Variants in FMO3 observed in about 807,000 individuals in gnomAD.
FMO3 encodes flavin-containing monooxygenase 3.
A neutral mutation model predicts 39.4 loss-of-function variants in FMO3; 40 were observed. The observed-to-expected ratio is 1.02, with a 90% confidence interval of 0.79 to 1.32. FMO3 has a LOEUF of 1.32. Among genes scored for constraint, FMO3 ranks in the 40% most tolerant of loss-of-function variants. FMO3 has a pLI of 0.00. For synonymous variants in FMO3, 219 were observed against 228.8 expected, an observed-to-expected ratio of 0.96 and a Z score of 0.39; for missense variants, 680 against 651.8, an observed-to-expected ratio of 1.04 and a Z score of -0.47.
chr1:171,095,894 T>C (rs1654947912), intron 2 of FMO3, among the ~76,000 whole-genome samples: 2 of 54,270 alleles, frequency 3.7e-5, no homozygotes, highest in East Asian at 5.5e-4. Context: ...ATATTATATA[T>C]AATTATAATA....
At chr1:171,106,873 T>C (rs2101912162) in intron 3 of FMO3, among the ~76,000 whole-genome samples, 1 of 152,314 alleles carries the variant, frequency 6.6e-6, no homozygotes, top group South Asian at 2.1e-4. Context: ...GCATAACTAA[T>C]TAACTAAATT....
rs1269027739 is a variant in FMO3 at position 171,117,352 on chromosome 1, G to A, written c.1509G>A (p.Gly503=). Residue 503 remains glycine, a synonymous_variant, in exon 9 of 9, where the codon GGG becomes GGA. Transcript: ENST00000367755. ...SLKPMQTRVV[G]RLQKPCFFFH... is the part of the protein sequence containing the mutation. ...AACCCATGCAGACACGAGTGGTCGG[G>A]AGACTTCAGAAGCCTTGCTTCTTTT... 2 of 1,613,328 alleles carry A rather than the reference G, an allele frequency of 1.2e-6. No individual in the cohort carries two copies. Among genetic ancestry groups the A allele is most frequent in the South Asian group, 2.2e-5 (2 of 91,038 alleles).
intron 1 of FMO3, among the ~76,000 whole-genome samples, chr1:171,091,606 G>T (rs761045370): frequency 7.2e-6 from 1 of 138,184 alleles, no homozygotes; most frequent in Non-Finnish European, 1.5e-5. Context: ...AACACCCCCC[G>T]GAGAGAAGGT....
intron 2 of FMO3, among the ~76,000 whole-genome samples, chr1:171,102,242 C>T (rs1240417882): frequency 1.3e-5 from 2 of 152,076 alleles, no homozygotes; most frequent in African/African-American, 4.8e-5. Context: ...TTCTGGGAGC[C>T]CTGACAACTT....
chr1:171,117,014 T>A, intron 8 of FMO3, 86 bp from the exon 9 acceptor site: 1 of 979,484 alleles, frequency 1.0e-6, no homozygotes, highest in Non-Finnish European at 1.7e-6. Flanking sequence ...TAATTCTCAC[T>A]GATATAAAGT....
In FMO3 at chr1:171,117,441, AATC is replaced by A. The variant is rs1656215975; in HGVS notation, c.*5_*7del. ...ATCGCTGTTTTCCTTGTGTTGACCT[AATC>A]ATCATTTTCTCTAGGATTTCTGAAA... On this transcript the variant is annotated stop_retained_variant and 3_prime_UTR_variant, in exon 9 of 9. Transcript: ENST00000367755. The A allele has an allele frequency of 2.5e-6, 4 of 1,611,350 alleles. No individual in the cohort carries two copies. Among genetic ancestry groups the A allele is most frequent in the South Asian group, 1.1e-5 (1 of 91,002 alleles).
At chr1:171,111,044 G>A (rs772910446) in intron 6 of FMO3, 47 bp downstream of exon 6, 1 of 1,470,832 alleles carries the variant, frequency 6.8e-7, no homozygotes, top group Non-Finnish European at 9.5e-7. Flanking sequence ...TTAGTTCAGT[G>A]TCAACAACCC....
In FMO3 at chr1:171,114,064, C is replaced by T. The variant is rs188365095; in HGVS notation, c.885C>T (p.Gly295=). ...AGCTCCCAGCAAGCATTCTGTGTGGCATTGTGTCCGTAAAGCCTAACGTGA... is the reference window on the plus strand; with the variant it reads ...AGCTCCCAGCAAGCATTCTGTGTGGTATTGTGTCCGTAAAGCCTAACGTGA... ...NDELPASILC[G]IVSVKPNVKE... is the part of the protein sequence containing the mutation. The change falls in exon 7 of 9, where the codon GGC becomes GGT. Residue 295 remains glycine, a synonymous_variant. Transcript: ENST00000367755. 61 of 1,613,212 alleles carry T rather than the reference C, an allele frequency of 3.8e-5. No homozygotes were observed. In the East Asian group the frequency reaches 1.2e-3, roughly 31 times the overall value.
chr1:171,092,649 A>G lies in FMO3; in HGVS notation c.-6-4A>G, dbSNP rs1485989862. On this transcript the variant is annotated splice_region_variant and splice_polypyrimidine_tract_variant and intron_variant, in intron 1 of 8. Coordinates refer to ENST00000367755, the MANE Select transcript of FMO3 (RefSeq NM_001002294.3). ...CTGGAAATGTTCTCTGGGCCTTTGC[A>G]CAGGTTACCATGGGGAAGAAAGTGG... is the stretch of plus-strand genomic sequence containing the variant. 3.1e-6 allele frequency: 5 copies of G among 1,614,148 alleles called. No homozygotes were observed. In the South Asian group the frequency reaches 5.5e-5, roughly 18 times the overall value.
At position 171,110,997 on chromosome 1, in the gene FMO3, G is replaced by C; in HGVS notation, c.827G>C (p.Gly276Ala). 6.2e-7 allele frequency: 1 copy of C among 1,612,412 alleles called. No individual in the cohort carries two copies. The highest frequency in any genetic ancestry group is 8.5e-7 in the Non-Finnish European group (1 of 1,178,862). Residue 276 changes from glycine to alanine, a missense_variant and splice_region_variant, in exon 6 of 9, where the codon GGA becomes GCA. Physicochemically the swap from Gly to Ala is moderately conservative, Grantham distance 60 (BLOSUM62 0). Transcript: ENST00000367755. ...AACTATGGCTTGATGCCTTTAAATGGGTAATGCAGAGCTAAACGTGATATG... is the reference window on the plus strand; with the variant it reads ...AACTATGGCTTGATGCCTTTAAATGCGTAATGCAGAGCTAAACGTGATATG... Reference protein sequence around the residue: ...HENYGLMPLNGVLRKEPVFND... With the variant: ...HENYGLMPLNAVLRKEPVFND...
At chr1:171,113,952 A>G in intron 6 of FMO3, 55 bp from the exon 7 acceptor site, 1 of 1,306,322 alleles carries the variant, frequency 7.7e-7, no homozygotes, top group Admixed American at 2.1e-5. Flanking sequence ...ATATGGACCA[A>G]TAAAACAAGA....
At chr1:171,092,619 TG>T (rs1432986732) in intron 1 of FMO3, 33 bp from the exon 2 acceptor site, 1 of 1,610,846 alleles carries the variant, frequency 6.2e-7, no homozygotes, top group Non-Finnish European at 8.5e-7. Context: ...TCAGCAATGT[TG>T]TTACTGGAAA....
At chr1:171,108,267 A>G in intron 5 of FMO3, 46 bp downstream of exon 5, 8 of 1,608,850 alleles carry the variant, frequency 5.0e-6, no homozygotes, top group Non-Finnish European at 6.8e-6. Context: ...CTGACAGAAG[A>G]GTTATTATCG....
chr1:171,113,586 C>T (rs1437864346), intron 6 of FMO3, among the ~76,000 whole-genome samples: 1 of 152,208 alleles, frequency 6.6e-6, no homozygotes, highest in East Asian at 1.9e-4. Context: ...ACAAACATTA[C>T]TGACATTCCA....
At chr1:171,094,632 G>C (rs1654866697) in intron 2 of FMO3, among the ~76,000 whole-genome samples, 1 of 152,062 alleles carries the variant, frequency 6.6e-6, no homozygotes, top group Admixed American at 6.6e-5. Flanking sequence ...GTGAGAGATA[G>C]GGGTCCACTT....
intron 2 of FMO3, chr1:171,101,346 G>A: frequency 5.0e-6 from 2 of 398,012 alleles, no homozygotes; most frequent in Non-Finnish European, 1.0e-5. Flanking sequence ...TAATACCTTT[G>A]GTTTTTCAGC....
At chr1:171,096,054 AT>A (rs1414221274) in intron 2 of FMO3, among the ~76,000 whole-genome samples, 2 of 54,306 alleles carry the variant, frequency 3.7e-5, no homozygotes, top group African/African-American at 2.8e-4. Flanking sequence ...ATATAAATAT[AT>A]AATATATATT....
At chr1:171,114,585 T>G (rs982648128) in intron 7 of FMO3, among the ~76,000 whole-genome samples, 2 of 152,200 alleles carry the variant, frequency 1.3e-5, no homozygotes, top group African/African-American at 4.8e-5. Flanking sequence ...ATTTTGTGAC[T>G]ACAACTTCTT....
chr1:171,096,513 A>G (rs1655071126), intron 2 of FMO3, among the ~76,000 whole-genome samples: 1 of 103,842 alleles, frequency 9.6e-6, no homozygotes, highest in South Asian at 3.3e-4. Flanking sequence ...TTATATATTA[A>G]ATACATAATA....
Sources: gnomAD v4.1 joint callset for allele counts (sites outside exome capture counted in the v4.1 genomes callset) on GRCh38, gnomAD v4.1.1 for gene constraint, MANE v1.5 for transcripts, NCBI Gene and HGNC (gene_info 2026-07-23, HGNC 2026-07-21) for gene names.